NRXN3: variants seen among roughly 807,000 people sequenced by gnomAD.
NRXN3 encodes neurexin 3, also known as neurexin III.
NRXN3 carries 32 observed loss-of-function variants against 137.6 expected under a neutral mutation model. That is an observed-to-expected ratio of 0.23 (90% CI 0.18 to 0.31). NRXN3 has a LOEUF of 0.31. Ranked by LOEUF, NRXN3 falls within the 10% of genes least tolerant of loss-of-function variation. The probability of loss-of-function intolerance (pLI) is 1.00; values close to 1 mark genes in which losing one functional copy is unlikely to be tolerated. For missense variants in NRXN3, 1,574 were observed against 2,062.5 expected, an observed-to-expected ratio of 0.76 and a Z score of 4.59; for synonymous variants, 798 against 784.5, an observed-to-expected ratio of 1.02 and a Z score of -0.29.
intron 15 of NRXN3, chr14:79,279,624 G>C (rs1311893526): frequency 3.0e-6 from 3 of 986,966 alleles, no homozygotes; most frequent in Non-Finnish European, 3.6e-6. Flanking sequence ...GCTGCTGCTG[G>C]TTTTCATCCA....
intron 10 of NRXN3, among the ~76,000 whole-genome samples, chr14:78,847,833 T>C (rs2099031755): frequency 6.6e-6 from 1 of 152,080 alleles, no homozygotes; most frequent in African/African-American, 2.4e-5. Flanking sequence ...CAGATTTCTA[T>C]GAATAGGCAC....
chr14:78,304,073 A>G (rs1173043470), intron 4 of NRXN3, among the ~76,000 whole-genome samples: 3 of 152,204 alleles, frequency 2.0e-5, no homozygotes, highest in African/African-American at 7.2e-5. Context: ...GATGTTAGTA[A>G]TGAAATCTCT....
chr14:79,018,660 A>G lies in NRXN3; in HGVS notation c.3262+30519A>G, dbSNP rs75026814. On this transcript the variant is annotated intron_variant, in intron 15 of 20. Coordinates refer to ENST00000335750, the MANE Select transcript of NRXN3 (RefSeq NM_001330195.2). ...TATGCAGAATGAATAAGCAAAATCA[A>G]TAATTAATAGATAGCAAATACATTC... 1.5e-4 allele frequency among the ~76,000 whole-genome samples: 23 copies of G among 152,344 alleles called. No individual in the cohort carries two copies. The East Asian group carries it at 4.0e-3, about 27-fold the overall frequency.
chr14:78,904,411 A>G (rs954893004), intron 10 of NRXN3, among the ~76,000 whole-genome samples: 2 of 152,064 alleles, frequency 1.3e-5, no homozygotes, highest in Non-Finnish European at 2.9e-5. Flanking sequence ...TTTTATGATA[A>G]TAAGCCAGGT....
At chr14:78,606,448 C>T in intron 4 of NRXN3, among the ~76,000 whole-genome samples, 1 of 152,214 alleles carries the variant, frequency 6.6e-6, no homozygotes, top group East Asian at 1.9e-4. Context: ...TCTTTAATCA[C>T]TGAGAAAACC....
At chr14:79,678,555 G>A (rs986843250) in intron 17 of NRXN3, among the ~76,000 whole-genome samples, 1 of 152,126 alleles carries the variant, frequency 6.6e-6, no homozygotes, top group African/African-American at 2.4e-5. Flanking sequence ...GTTTGGGTTA[G>A]AAGAAAAATT....
chr14:79,643,163 C>T (rs1478529685), intron 16 of NRXN3, among the ~76,000 whole-genome samples: 1 of 135,936 alleles, frequency 7.4e-6, no homozygotes, highest in Admixed American at 7.7e-5. Context: ...CACAAAGATG[C>T]CACTTTAGTC....
intron 15 of NRXN3, among the ~76,000 whole-genome samples, chr14:79,322,364 A>C (rs937287451): frequency 1.3e-5 from 2 of 152,248 alleles, no homozygotes; most frequent in Non-Finnish European, 2.9e-5. Flanking sequence ...CACAGGCTTG[A>C]CCGCATTTAC....
chr14:79,660,712 T>C (rs542228739), intron 16 of NRXN3, among the ~76,000 whole-genome samples: 18 of 152,236 alleles, frequency 1.2e-4, no homozygotes, highest in African/African-American at 3.9e-4. Context: ...CTGTTTTCCA[T>C]CCATGATTAA....
intron 15 of NRXN3, among the ~76,000 whole-genome samples, chr14:79,216,861 G>T (rs1294615099): frequency 6.6e-6 from 1 of 152,172 alleles, no homozygotes; most frequent in Non-Finnish European, 1.5e-5. Context: ...TTTAGGCCAG[G>T]CACAGTGGCT....
intron 16 of NRXN3, among the ~76,000 whole-genome samples, chr14:79,547,634 G>A (rs1257474136): frequency 6.6e-6 from 1 of 152,154 alleles, no homozygotes; most frequent in Non-Finnish European, 1.5e-5. Flanking sequence ...CTGCATGCTG[G>A]TGCTCAGAGG....
At chr14:78,286,408 C>A (rs2075183018) in intron 3 of NRXN3, among the ~76,000 whole-genome samples, 1 of 152,016 alleles carries the variant, frequency 6.6e-6, no homozygotes, top group South Asian at 2.1e-4. Flanking sequence ...AGGCAACAGA[C>A]CTCCTACACG....
chr14:79,209,140 A>G (rs1185535169), intron 15 of NRXN3, among the ~76,000 whole-genome samples: 1 of 152,078 alleles, frequency 6.6e-6, no homozygotes, highest in Non-Finnish European at 1.5e-5. Context: ...GGGTTTCACC[A>G]TGTTAGCCAG....
At chr14:79,338,994 G>A (rs1334750326) in intron 15 of NRXN3, among the ~76,000 whole-genome samples, 2 of 152,152 alleles carry the variant, frequency 1.3e-5, no homozygotes, top group Non-Finnish European at 2.9e-5. Flanking sequence ...TCTGTAGGGC[G>A]ACCCATTTGG....
chr14:79,660,105 C>A (rs563797178), intron 16 of NRXN3, among the ~76,000 whole-genome samples: 1 of 152,236 alleles, frequency 6.6e-6, no homozygotes, highest in African/African-American at 2.4e-5. Flanking sequence ...GGTCTGACAC[C>A]AAAGCCAATG....
intron 16 of NRXN3, among the ~76,000 whole-genome samples, chr14:79,572,056 C>A (rs893819211): frequency 1.3e-5 from 2 of 152,108 alleles, no homozygotes; most frequent in Non-Finnish European, 1.5e-5. Flanking sequence ...GTTATATTAT[C>A]ATGACAAATC....
intron 19 of NRXN3, among the ~76,000 whole-genome samples, chr14:79,698,756 T>C (rs2154030120): frequency 6.6e-6 from 1 of 152,170 alleles, no homozygotes; most frequent in Middle Eastern, 3.4e-3. Flanking sequence ...CAACAATTAC[T>C]TACCCCTATC....
chr14:79,410,303 A>G (rs1224250758), intron 15 of NRXN3, among the ~76,000 whole-genome samples: 1 of 152,066 alleles, frequency 6.6e-6, no homozygotes, highest in Non-Finnish European at 1.5e-5. Context: ...ATGTTGTTTT[A>G]ACACTAATTT....
intron 17 of NRXN3, among the ~76,000 whole-genome samples, chr14:79,679,353 G>A (rs1047703324): frequency 1.3e-5 from 2 of 152,014 alleles, no homozygotes; most frequent in East Asian, 1.9e-4. Context: ...CTTTAGACAT[G>A]TTCCTCAGAT....
Sources: gnomAD v4.1 joint callset for allele counts (sites outside exome capture counted in the v4.1 genomes callset) on GRCh38, gnomAD v4.1.1 for gene constraint, MANE v1.5 for transcripts, NCBI Gene and HGNC (gene_info 2026-07-23, HGNC 2026-07-21) for gene names.